The following CCNK variants were observed in gnomAD, a reference collection of about 807,000 sequenced individuals.
CCNK encodes the protein cyclin K, also known as cyclin-K.
A neutral mutation model predicts 65.0 loss-of-function variants in CCNK; 9 were observed. The ratio of observed to expected loss-of-function variants is 0.14; its 90% CI spans 0.08 to 0.24. The LOEUF (loss-of-function observed/expected upper bound fraction) is 0.24. Ranked by LOEUF, CCNK falls within the 10% of genes least tolerant of loss-of-function variation. The pLI, the probability that CCNK is intolerant of heterozygous loss-of-function variation, is 1.00. For missense variants in CCNK, 474 were observed against 720.0 expected, an observed-to-expected ratio of 0.66 and a Z score of 3.91; for synonymous variants, 279 against 270.8, an observed-to-expected ratio of 1.03 and a Z score of -0.30.
chr14:99,510,330 G>A lies in CCNK; in HGVS notation c.1291G>A (p.Gly431Arg), dbSNP rs758984649. 9 of 825,080 alleles carry A rather than the reference G, an allele frequency of 1.1e-5. No individual in the cohort carries two copies. The highest frequency in any genetic ancestry group is 2.1e-5 in the Admixed American group (1 of 46,786). The allele number at this position is 825,080 out of a possible 1,614,324, so 51.1% of individuals were successfully genotyped here. ...CCCACCCCCCTCCAGCTACATGACC[G>A]GGATGTCCACCACCAGCTCCTACAT... ...PPPPPSSYMT[G>R]MSTTSSYMSG... is the part of the protein sequence containing the mutation. The change falls in exon 11 of 11, where the codon GGG (glycine) becomes AGG (arginine). Residue 431 changes from glycine (G) to arginine (R), a missense_variant. This residue lies in a region of CCNK where 229 missense variants were observed against 275.5 expected (regional missense o/e 0.83). Transcript: ENST00000389879.
At chr14:99,487,268 A>G (rs1473890973) in intron 1 of CCNK, among the ~76,000 whole-genome samples, 1 of 152,220 alleles carries the variant, frequency 6.6e-6, no homozygotes, top group East Asian at 1.9e-4. Flanking sequence ...TGTTGCATTC[A>G]TAGGATATAA....
rs1896850530 is a variant in CCNK, at chr14:99,502,253, G to A, written c.622G>A (p.Val208Ile). 7 of 1,605,902 alleles carry A rather than the reference G, an allele frequency of 4.4e-6. No individual in the cohort carries two copies. Among genetic ancestry groups the A allele is most frequent in the African/African-American group, 1.3e-5 (1 of 74,918 alleles). Residue 208 changes from valine (V) to isoleucine (I), a missense_variant, in exon 7 of 11, where the codon GTA becomes ATA. Physicochemically the swap from Val to Ile is conservative, Grantham distance 29 (BLOSUM62 3). Transcript: ENST00000389879. ...GCAGTGGGAACCAGAGATCATAGCA[G>A]TAGCAGTGATGTATCTCGCAGGACG... ...SLQWEPEIIA[V>I]AVMYLAGRLC... is the part of the protein sequence containing the mutation.
At chr14:99,490,384 T>C (rs1231555127) in intron 1 of CCNK, among the ~76,000 whole-genome samples, 1 of 152,178 alleles carries the variant, frequency 6.6e-6, no homozygotes, top group Non-Finnish European at 1.5e-5. Flanking sequence ...ATTTCTTTTT[T>C]TGGATAAATG....
chr14:99,502,852 G>A lies in CCNK; in HGVS notation c.879G>A (p.Pro293=), dbSNP rs369597761. The part of the protein sequence containing the change: ...PQVPQVQQSQ[P]SQSSEPSQPQ... ...TGCCGCAAGTACAGCAGTCACAGCC[G>A]TCTCAAAGCTCCGAACCATCCCAGC... The change falls in exon 8 of 11, where the codon CCG becomes CCA. Residue 293 remains proline, a synonymous_variant. Coordinates refer to ENST00000389879, the MANE Select transcript of CCNK (RefSeq NM_001099402.2). The A allele has an allele frequency of 3.2e-5, 51 of 1,613,102 alleles. No individual in the cohort carries two copies. In the East Asian group the frequency reaches 4.2e-4, roughly 13 times the overall value.
chr14:99,509,835 G>A (rs948973065), intron 10 of CCNK: 4 of 409,482 alleles, frequency 9.8e-6, no homozygotes, highest in South Asian at 4.2e-5. Flanking sequence ...GCCCCCACAC[G>A]TTTTGCACTA....
intron 1 of CCNK, chr14:99,491,937 T>C (rs750343845): frequency 5.9e-5 from 9 of 152,256 alleles, no homozygotes; most frequent in Non-Finnish European, 7.3e-5. Flanking sequence ...CTTTCTTTCT[T>C]TCTCTCAGCA....
chr14:99,504,008 G>T (rs1896909268), intron 9 of CCNK: 4 of 360,092 alleles, frequency 1.1e-5, no homozygotes, highest in South Asian at 6.4e-5. Flanking sequence ...AGCAGATGCG[G>T]GGGGGCAGTA....
intron 1 of CCNK, among the ~76,000 whole-genome samples, chr14:99,485,186 G>C (rs1353129106): frequency 6.6e-6 from 1 of 152,146 alleles, no homozygotes; most frequent in African/African-American, 2.4e-5. Context: ...TTCTGCCTTG[G>C]AACCTAAAGG....
chr14:99,483,699 G>C (rs1896413024), intron 1 of CCNK, among the ~76,000 whole-genome samples: 1 of 152,236 alleles, frequency 6.6e-6, no homozygotes, highest in African/African-American at 2.4e-5. Context: ...AGACACAAGA[G>C]TTAAATGTGC....
Position 99,481,436 on chromosome 14 carries a change from T to C in CCNK, c.-96T>C. The C allele has an allele frequency of 2.5e-6, 1 of 398,684 alleles. No homozygotes were observed. Among genetic ancestry groups the C allele is most frequent in the Non-Finnish European group, 4.4e-6 (1 of 226,088 alleles). The allele number at this position is 398,684 out of a possible 1,614,324, so 24.7% of individuals were successfully genotyped here. ...CATTCCATATACAAGATGGCCGCAG[T>C]CGGCAAGGAGAGACGTCGCTGAGGG... On this transcript the variant is annotated 5_prime_UTR_variant, in exon 1 of 11. Transcript: ENST00000389879.
chr14:99,502,188 T>A lies in CCNK; in HGVS notation c.576-19T>A, dbSNP rs759010814. 90 of 1,553,946 alleles carry A rather than the reference T, an allele frequency of 5.8e-5. No individual in the cohort carries two copies. Among genetic ancestry groups the A allele is most frequent in the Admixed American group, 4.3e-4 (22 of 50,592 alleles). On this transcript the variant is annotated intron_variant, in intron 6 of 10. Coordinates refer to ENST00000389879, the MANE Select transcript of CCNK (RefSeq NM_001099402.2). ...TATTAGATCATATTATCTAACCTTTTTTTTTCTTGTTGAACTAGTCTCTGC... is the reference window on the plus strand; with the variant it reads ...TATTAGATCATATTATCTAACCTTTATTTTTCTTGTTGAACTAGTCTCTGC...
intron 1 of CCNK, among the ~76,000 whole-genome samples, chr14:99,482,630 G>T (rs1041769885): frequency 6.6e-6 from 1 of 152,100 alleles, no homozygotes; most frequent in African/African-American, 2.4e-5. Context: ...ATATTGTGAT[G>T]CATTATTCAA....
chr14:99,503,603 T>C lies in CCNK; in HGVS notation c.1012-8T>C. 1 of 1,556,920 alleles carries C rather than the reference T, an allele frequency of 6.4e-7. No individual in the cohort carries two copies. The highest frequency in any genetic ancestry group is 1.2e-5 in the South Asian group (1 of 84,146). On this transcript the variant is annotated splice_region_variant and splice_polypyrimidine_tract_variant and intron_variant, in intron 8 of 10. Coordinates refer to ENST00000389879, the MANE Select transcript of CCNK (RefSeq NM_001099402.2). ...CAGTTAACAATTGTGTATTTTCTTT[T>C]GTAACAGGTTGTTTCTCCCAAAGAA...
intron 1 of CCNK, 68 bp from the exon 2 acceptor site, chr14:99,492,558 A>G (rs1320792569): frequency 7.3e-6 from 6 of 819,686 alleles, no homozygotes; most frequent in Admixed American, 3.2e-5. Context: ...ACCAGGTACA[A>G]TCTATGATTC....
At chr14:99,491,114 AG>A (rs1896589101) in intron 1 of CCNK, among the ~76,000 whole-genome samples, 1 of 152,086 alleles carries the variant, frequency 6.6e-6, no homozygotes, top group African/African-American at 2.4e-5. Flanking sequence ...TATTTTACTC[AG>A]CCAGTCCCCT....
chr14:99,499,139 G>A (rs1419387819), intron 4 of CCNK, among the ~76,000 whole-genome samples: 16 of 152,142 alleles, frequency 1.1e-4, no homozygotes, highest in South Asian at 8.3e-4. Flanking sequence ...GCCCAGGCTC[G>A]AGCGATTCTC....
At chr14:99,502,520 T>TA (rs1447029225) in intron 7 of CCNK, 144 bp downstream of exon 7, 2 of 1,351,216 alleles carry the variant, frequency 1.5e-6, no homozygotes, top group African/African-American at 2.9e-5. Context: ...AATTATCTAA[T>TA]AGTTTCCACT....
At chr14:99,485,394 A>G (rs988577293) in intron 1 of CCNK, among the ~76,000 whole-genome samples, 1 of 152,044 alleles carries the variant, frequency 6.6e-6, no homozygotes, top group Non-Finnish European at 1.5e-5. Context: ...TACTCTTGAG[A>G]TTTTTTAGTT....
intron 1 of CCNK, among the ~76,000 whole-genome samples, chr14:99,483,635 T>C (rs952183575): frequency 1.3e-5 from 2 of 152,244 alleles, no homozygotes; most frequent in African/African-American, 4.8e-5. Context: ...GGACATAAGT[T>C]CATTTAAGTT....
Sources: allele counts gnomAD v4.1 joint callset (sites outside exome capture counted in the v4.1 genomes callset), GRCh38; gene constraint gnomAD v4.1.1; regional missense constraint gnomAD v4.1.1; transcripts MANE v1.5; gene names NCBI Gene and HGNC (gene_info 2026-07-23, HGNC 2026-07-21).